KPNA7: variants seen among roughly 807,000 people sequenced by gnomAD.
KPNA7 encodes the protein karyopherin subunit alpha 7, also known as importin subunit alpha-8.
Under a neutral mutation model 53.7 loss-of-function variants are expected in KPNA7, and 54 were observed. The ratio of observed to expected loss-of-function variants is 1.01; its 90% CI spans 0.81 to 1.26. The LOEUF is 1.26. Ranked by LOEUF, KPNA7 falls within the 50% of genes most tolerant of loss-of-function variation. The pLI is 0.00. For synonymous variants in KPNA7, 276 were observed against 259.3 expected, an observed-to-expected ratio of 1.06 and a Z score of -0.62; for missense variants, 640 against 644.5, an observed-to-expected ratio of 0.99 and a Z score of 0.07.
At chr7:99,219,025 C>T (rs148590662) in intron 1 of KPNA7, among the ~76,000 whole-genome samples, 71 of 152,384 alleles carry the variant, frequency 4.7e-4, no homozygotes, top group Non-Finnish European at 6.5e-4. Context: ...GCAGGTGTTT[C>T]GCAGCCCTTG....
At chr7:99,168,062 C>A in the KPNA7 span, among the ~76,000 whole-genome samples, 5 of 146,666 alleles carry the variant, frequency 3.4e-5, no homozygotes, top group Non-Finnish European at 3.0e-5. Context: ...GGAACCACTG[C>A]CTTGGCACCA....
chr7:99,211,916 G>A (rs1791081888), upstream of KPNA7, among the ~76,000 whole-genome samples: 1 of 152,170 alleles, frequency 6.6e-6, no homozygotes, highest in African/African-American at 2.4e-5. Flanking sequence ...GAGGTGGAGG[G>A]TGACACCTGG....
At chr7:99,204,677 A>C (rs1790704659) in intron 2 of KPNA7, among the ~76,000 whole-genome samples, 1 of 151,994 alleles carries the variant, frequency 6.6e-6, no homozygotes, top group African/African-American at 2.4e-5. Context: ...GGAGTTCAAG[A>C]CCAGCCCGGC....
chr7:99,212,241 T>C (rs1414836199), upstream of KPNA7, among the ~76,000 whole-genome samples: 1 of 133,264 alleles, frequency 7.5e-6, no homozygotes, highest in Non-Finnish European at 1.6e-5. Flanking sequence ...TCCTTTTTTT[T>C]TTTTTTTTTT....
At position 99,184,943 on chromosome 7, in the gene KPNA7, C is replaced by A; in HGVS notation, c.1120G>T (p.Ala374Ser). Residue 374 changes from alanine (A) to serine (S), a missense_variant, in exon 8 of 11, where the codon GCT becomes TCT. Transcript: ENST00000327442. ...LAYDVLPPLV[A>S]LLKNGEFKVQ... ...GCGCCACTTACGTTTTTTAGCAGAG[C>A]CACCAAGGGAGGCAAGACGTCGTAG... 1 of 1,552,044 alleles carries A rather than the reference C, an allele frequency of 6.4e-7. No homozygotes were observed. The highest frequency in any genetic ancestry group is 8.7e-7 in the Non-Finnish European group (1 of 1,147,072).
chr7:99,208,597 G>A (rs1384218285), upstream of KPNA7, among the ~76,000 whole-genome samples: 1 of 150,676 alleles, frequency 6.6e-6, no homozygotes, highest in Non-Finnish European at 1.5e-5. Context: ...TTGTAGAGTC[G>A]GCTTTTCACC....
the KPNA7 span, among the ~76,000 whole-genome samples, chr7:99,146,263 G>A: frequency 3.3e-5 from 5 of 152,080 alleles, no homozygotes; most frequent in South Asian, 2.1e-4. Flanking sequence ...CTGGTTCTTC[G>A]TTGGCTTGAC....
intron 3 of KPNA7, among the ~76,000 whole-genome samples, chr7:99,200,263 C>T (rs1404063799): frequency 6.6e-6 from 1 of 152,100 alleles, no homozygotes; most frequent in Non-Finnish European, 1.5e-5. Context: ...GTCTCGAACT[C>T]CTCAGCTCAA....
At chr7:99,187,416 C>T (rs2150730918) in intron 7 of KPNA7, among the ~76,000 whole-genome samples, 1 of 152,012 alleles carries the variant, frequency 6.6e-6, no homozygotes, top group African/African-American at 2.4e-5. Context: ...TTTTAATCCC[C>T]AGTCTCACTG....
At chr7:99,183,867 G>A (rs1392428423) in intron 8 of KPNA7, among the ~76,000 whole-genome samples, 3 of 151,874 alleles carry the variant, frequency 2.0e-5, no homozygotes, top group Non-Finnish European at 4.4e-5. Context: ...GTTTTTTTGC[G>A]ACAGTTTTAC....
chr7:99,172,441 G>A (rs373010880), downstream of KPNA7, among the ~76,000 whole-genome samples: 10 of 152,142 alleles, frequency 6.6e-5, no homozygotes, highest in East Asian at 1.2e-3. Context: ...TAGGCCAGGT[G>A]CGGTTGCTTA....
At chr7:99,176,087 A>G (rs1004152596) in intron 10 of KPNA7, among the ~76,000 whole-genome samples, 6 of 151,678 alleles carry the variant, frequency 4.0e-5, no homozygotes, top group Non-Finnish European at 8.8e-5. Context: ...TCACGAGGTC[A>G]GGAGATCAAG....
intron 1 of KPNA7, among the ~76,000 whole-genome samples, chr7:99,214,246 T>C (rs1166093363): frequency 1.4e-5 from 2 of 147,170 alleles, no homozygotes; most frequent in East Asian, 4.1e-4. Context: ...CCTTGGCCAA[T>C]GTGGCAAAAC....
downstream of KPNA7, among the ~76,000 whole-genome samples, chr7:99,173,062 C>CAAAAAAA (rs923484332): frequency 3.1e-3 from 177 of 56,758 alleles, 1 homozygote; most frequent in African/African-American, 5.1e-3. Flanking sequence ...AACTCCATCT[C>CAAAAAAA]AAAAAAAAAA....
chr7:99,215,145 G>C (rs940304679), intron 1 of KPNA7, among the ~76,000 whole-genome samples: 3 of 151,906 alleles, frequency 2.0e-5, no homozygotes, highest in African/African-American at 7.3e-5. Flanking sequence ...AGGCTGAGGT[G>C]GGTGGATCAC....
intron 1 of KPNA7, among the ~76,000 whole-genome samples, chr7:99,214,407 C>G (rs1791152922): frequency 6.6e-6 from 1 of 150,450 alleles, no homozygotes; most frequent in Non-Finnish European, 1.5e-5. Context: ...CGCACCACTG[C>G]ACTCCAGTCT....
intron 3 of KPNA7, among the ~76,000 whole-genome samples, chr7:99,202,808 A>G (rs534490305): frequency 3.9e-5 from 6 of 152,236 alleles, no homozygotes; most frequent in African/African-American, 1.4e-4. Flanking sequence ...ATTGTGCCAC[A>G]GCACTCTATC....
Position 99,195,063 on chromosome 7 carries a change from G to C in KPNA7, c.553+7C>G. Reference sequence around the variant, plus strand: ...GTTTTCTTAGCCCACTAAGGGGAGAGTCTCACCGGCTATATTACCAAGAGC... The same window carrying C: ...GTTTTCTTAGCCCACTAAGGGGAGACTCTCACCGGCTATATTACCAAGAGC... On this transcript the variant is annotated splice_region_variant and intron_variant, in intron 5 of 10. Transcript: ENST00000327442. 6.4e-7 allele frequency: 1 copy of C among 1,550,916 alleles called. No individual in the cohort carries two copies. Among genetic ancestry groups the C allele is most frequent in the Non-Finnish European group, 8.7e-7 (1 of 1,146,426 alleles).
At chr7:99,157,827 T>C in the KPNA7 span, among the ~76,000 whole-genome samples, 13 of 152,272 alleles carry the variant, frequency 8.5e-5, no homozygotes, top group Middle Eastern at 3.4e-3. Flanking sequence ...CAGGCTGGAG[T>C]GCAGTGGTGT....
Sources: gnomAD v4.1 joint callset for allele counts (sites outside exome capture counted in the v4.1 genomes callset) on GRCh38, gnomAD v4.1.1 for gene constraint, MANE v1.5 for transcripts, NCBI Gene and HGNC (gene_info 2026-07-23, HGNC 2026-07-21) for gene names.